DRAM1: variants seen among roughly 807,000 people sequenced by gnomAD.
The protein encoded by DRAM1 is DNA damage regulated autophagy modulator 1, also known as DNA damage-regulated autophagy modulator protein 1.
Under a neutral mutation model 28.5 loss-of-function variants are expected in DRAM1, and 25 were observed. The observed-to-expected ratio is 0.88, with a 90% CI of 0.64 to 1.23. The LOEUF (loss-of-function observed/expected upper bound fraction) is 1.23. Ranked by LOEUF, DRAM1 falls within the 50% of genes most tolerant of loss-of-function variation. DRAM1 has a pLI of 0.00. For synonymous variants in DRAM1, 113 were observed against 114.2 expected, an observed-to-expected ratio of 0.99 and a Z score of 0.07; for missense variants, 249 against 299.2, an observed-to-expected ratio of 0.83 and a Z score of 1.24.
intron 1 of DRAM1, among the ~76,000 whole-genome samples, chr12:101,888,010 G>A (rs922159940): frequency 8.5e-5 from 13 of 152,146 alleles, no homozygotes; most frequent in African/African-American, 2.9e-4. Flanking sequence ...CTGACATGAT[G>A]TTAATGACAT....
chr12:101,920,492 T>C (rs897716504), intron 6 of DRAM1, among the ~76,000 whole-genome samples: 2 of 152,202 alleles, frequency 1.3e-5, no homozygotes, highest in Non-Finnish European at 2.9e-5. Flanking sequence ...TTAATAGCTC[T>C]CCCACCAATG....
At chr12:101,914,398 T>C (rs980657788) in intron 5 of DRAM1, among the ~76,000 whole-genome samples, 166 bp downstream of exon 5, 2 of 152,212 alleles carry the variant, frequency 1.3e-5, no homozygotes, top group Non-Finnish European at 2.9e-5. Flanking sequence ...CAGTATGTAG[T>C]AATTAGCTAT....
At chr12:101,901,075 AGG>A (rs1366629574) in intron 2 of DRAM1, among the ~76,000 whole-genome samples, 3 of 118,260 alleles carry the variant, frequency 2.5e-5, no homozygotes, top group African/African-American at 6.6e-5. Flanking sequence ...ACAACAGCCA[AGG>A]GGTGTGTGTG....
At chr12:101,891,909 T>G (rs1403319912) in intron 1 of DRAM1, among the ~76,000 whole-genome samples, 1 of 152,218 alleles carries the variant, frequency 6.6e-6, no homozygotes, top group African/African-American at 2.4e-5. Context: ...TCCAGTGTAC[T>G]GAATCAGGCA....
At chr12:101,882,269 C>T (rs1234284978) in intron 1 of DRAM1, among the ~76,000 whole-genome samples, 9 of 150,732 alleles carry the variant, frequency 6.0e-5, no homozygotes, top group Non-Finnish European at 1.0e-4. Context: ...CCACCCCTCC[C>T]GGCTAATTTT....
At chr12:101,900,815 G>T (rs578077388) in intron 2 of DRAM1, among the ~76,000 whole-genome samples, 2 of 152,258 alleles carry the variant, frequency 1.3e-5, no homozygotes, top group South Asian at 2.1e-4. Context: ...GAAACCCAAA[G>T]ATTTATATAC....
chr12:101,891,609 T>C (rs892981192), intron 1 of DRAM1, among the ~76,000 whole-genome samples: 2 of 152,244 alleles, frequency 1.3e-5, no homozygotes, highest in African/African-American at 4.8e-5. Context: ...ACAGGAAATG[T>C]GGACATAAAC....
chr12:101,888,786 A>ATTTTTT (rs34825466), intron 1 of DRAM1, among the ~76,000 whole-genome samples: 4 of 107,940 alleles, frequency 3.7e-5, no homozygotes, highest in Non-Finnish European at 5.3e-5. Context: ...AAACATCTCA[A>ATTTTTT]TTTTTTTTTT....
chr12:101,902,298 G>C (rs1873635683), intron 3 of DRAM1, among the ~76,000 whole-genome samples: 1 of 152,114 alleles, frequency 6.6e-6, no homozygotes, highest in African/African-American at 2.4e-5. Context: ...TTTATCAATG[G>C]TAAAATGGAG....
intron 1 of DRAM1, among the ~76,000 whole-genome samples, chr12:101,895,352 A>G (rs960114449): frequency 2.0e-5 from 3 of 149,622 alleles, no homozygotes; most frequent in Admixed American, 6.7e-5. Context: ...TAATTTTTGT[A>G]TTTTTAGTAG....
intron 1 of DRAM1, among the ~76,000 whole-genome samples, chr12:101,879,918 G>A (rs971045173): frequency 1.3e-5 from 2 of 151,810 alleles, no homozygotes; most frequent in Non-Finnish European, 2.9e-5. Flanking sequence ...TTGAACCCGG[G>A]AGGCAGAGGT....
intron 3 of DRAM1, among the ~76,000 whole-genome samples, chr12:101,903,554 A>G (rs1335724461): frequency 6.6e-6 from 1 of 152,202 alleles, no homozygotes; most frequent in Non-Finnish European, 1.5e-5. Flanking sequence ...GGTATTGGTC[A>G]AAGGGTACCA....
intron 4 of DRAM1, among the ~76,000 whole-genome samples, chr12:101,910,509 ACT>A (rs1873999849): frequency 6.9e-6 from 1 of 145,366 alleles, no homozygotes; most frequent in Admixed American, 6.9e-5. Context: ...ACAGAGTCTC[ACT>A]CTGTCACCCA....
intron 1 of DRAM1, among the ~76,000 whole-genome samples, chr12:101,896,459 A>C (rs6539016): frequency 1.3e-5 from 2 of 151,972 alleles, no homozygotes; most frequent in African/African-American, 4.8e-5. Context: ...AAAGCTTGGC[A>C]CTAATAGAAA....
chr12:101,898,727 C>G (rs1873482821), intron 2 of DRAM1, among the ~76,000 whole-genome samples: 1 of 152,182 alleles, frequency 6.6e-6, no homozygotes, highest in Non-Finnish European at 1.5e-5. Context: ...CTCTAGGGGA[C>G]TTGGTTTCTC....
At chr12:101,919,027 T>A (rs1874365650) in intron 5 of DRAM1, among the ~76,000 whole-genome samples, 1 of 151,880 alleles carries the variant, frequency 6.6e-6, no homozygotes, top group South Asian at 2.1e-4. Flanking sequence ...GCTCAAGTGA[T>A]CCTCCCAGTT....
intron 5 of DRAM1, among the ~76,000 whole-genome samples, chr12:101,917,765 A>C (rs1339705642): frequency 7.3e-6 from 1 of 137,854 alleles, no homozygotes; most frequent in Admixed American, 7.1e-5. Context: ...GGTTAGACCT[A>C]GGCAAAAGGC....
At position 101,911,225 on chromosome 12, in the gene DRAM1, A is replaced by T. The variant is rs532163438; in HGVS notation, c.520+2862A>T. Among the ~76,000 whole-genome samples the T allele has an allele frequency of 4.6e-5, 7 of 152,006 alleles. No individual in the cohort carries two copies. The South Asian group carries it at 1.5e-3, about 32-fold the overall frequency. Reference sequence around the variant, plus strand: ...ACTCCAGCCCAGATGACAGAGTGAGACTCCGTCTCAAAAAAAAGAGTTGAA... The same window carrying T: ...ACTCCAGCCCAGATGACAGAGTGAGTCTCCGTCTCAAAAAAAAGAGTTGAA... On this transcript the variant is annotated intron_variant, in intron 4 of 6. Transcript: ENST00000258534.
intron 1 of DRAM1, among the ~76,000 whole-genome samples, chr12:101,894,948 T>G (rs1873290316): frequency 6.6e-6 from 1 of 152,164 alleles, no homozygotes; most frequent in Non-Finnish European, 1.5e-5. Flanking sequence ...GCCTGCTTTT[T>G]TATACCCTCA....
Sources: gnomAD v4.1 joint callset for allele counts (sites outside exome capture counted in the v4.1 genomes callset) on GRCh38, gnomAD v4.1.1 for gene constraint, MANE v1.5 for transcripts, NCBI Gene and HGNC (gene_info 2026-07-23, HGNC 2026-07-21) for gene names.